Variants in GRID2 observed in about 807,000 individuals in gnomAD.
GRID2 encodes glutamate ionotropic receptor delta type subunit 2.
In GRID2, 33 loss-of-function variants were observed where a neutral mutation model predicts 114.8. That is an observed-to-expected ratio of 0.29 (90% CI 0.22 to 0.38). The LOEUF (loss-of-function observed/expected upper bound fraction) is 0.38, where lower values mean the gene tolerates loss of function less well. Among genes scored for constraint, GRID2 ranks in the 10% least tolerant of loss-of-function variants. GRID2 has a pLI of 1.00. For synonymous variants in GRID2, 505 were observed against 449.9 expected (o/e 1.12, Z -1.55); for missense variants, 1,184 against 1,257.7 (o/e 0.94, Z 0.89).
chr4:92,991,378 C>T (rs950241673), intron 2 of GRID2, among the ~76,000 whole-genome samples: 5 of 152,134 alleles, frequency 3.3e-5, no homozygotes, highest in African/African-American at 1.2e-4. Flanking sequence ...GCATAGTAAG[C>T]TATCAAACTG....
At chr4:93,619,227 T>C (rs1165504936) in intron 13 of GRID2, among the ~76,000 whole-genome samples, 1 of 152,206 alleles carries the variant, frequency 6.6e-6, no homozygotes, top group Non-Finnish European at 1.5e-5. Context: ...CAGTCTTAAG[T>C]ACTTAAACTT....
At chr4:93,382,500 C>T (rs1213305931) in intron 8 of GRID2, among the ~76,000 whole-genome samples, 3 of 151,968 alleles carry the variant, frequency 2.0e-5, no homozygotes, top group Non-Finnish European at 4.4e-5. Context: ...CTTCTGGCTG[C>T]TTAAATCTAC....
intron 2 of GRID2, among the ~76,000 whole-genome samples, chr4:93,045,970 T>G (rs892983925): frequency 6.6e-6 from 1 of 152,090 alleles, no homozygotes; most frequent in African/African-American, 2.4e-5. Context: ...TTGAGTGGGA[T>G]TAATCCCCCA....
intron 4 of GRID2, among the ~76,000 whole-genome samples, chr4:93,194,643 G>A (rs1398654510): frequency 3.9e-5 from 6 of 152,142 alleles, no homozygotes; most frequent in African/African-American, 1.4e-4. Context: ...CTAGCAATGT[G>A]TCTGGTACAT....
intron 2 of GRID2, among the ~76,000 whole-genome samples, chr4:92,762,075 C>T (rs1037494935): frequency 2.0e-5 from 3 of 151,924 alleles, no homozygotes; most frequent in African/African-American, 4.8e-5. Flanking sequence ...CCACCACACC[C>T]AGCTATTTTT....
intron 4 of GRID2, among the ~76,000 whole-genome samples, chr4:93,131,662 A>G (rs1734815844): frequency 6.6e-6 from 1 of 151,912 alleles, no homozygotes; most frequent in Non-Finnish European, 1.5e-5. Context: ...AGTTGCATAT[A>G]TTTATGGGGT....
intron 12 of GRID2, among the ~76,000 whole-genome samples, chr4:93,514,514 C>T (rs1035247389): frequency 6.6e-5 from 10 of 151,372 alleles, no homozygotes; most frequent in African/African-American, 1.7e-4. Context: ...CAGTGTCTTG[C>T]GTTGGAAATA....
intron 2 of GRID2, among the ~76,000 whole-genome samples, chr4:92,731,231 ATT>A (rs35176432): frequency 1.7e-4 from 26 of 149,210 alleles, no homozygotes; most frequent in African/African-American, 4.9e-4. Context: ...ACAATAAGTG[ATT>A]TTTTTTTTTC....
intron 2 of GRID2, among the ~76,000 whole-genome samples, chr4:92,732,760 A>G (rs983421836): frequency 2.0e-5 from 3 of 152,120 alleles, no homozygotes; most frequent in Non-Finnish European, 2.9e-5. Context: ...TAACAGAAAC[A>G]GGAGAACATA....
chr4:92,677,229 C>A (rs1168253356), intron 2 of GRID2, among the ~76,000 whole-genome samples: 1 of 152,048 alleles, frequency 6.6e-6, no homozygotes, highest in Non-Finnish European at 1.5e-5. Context: ...GTACTTAATT[C>A]CACAATGTTG....
chr4:92,835,743 A>C (rs1483728988), intron 2 of GRID2, among the ~76,000 whole-genome samples: 1 of 152,182 alleles, frequency 6.6e-6, no homozygotes, highest in African/African-American at 2.4e-5. Context: ...TAAAATTTAC[A>C]TACACAAATG....
intron 2 of GRID2, among the ~76,000 whole-genome samples, chr4:92,919,575 G>A (rs566518223): frequency 1.3e-4 from 20 of 152,166 alleles, no homozygotes; most frequent in Admixed American, 1.0e-3. Flanking sequence ...TGGTTTCAAA[G>A]AACATCTTTA....
intron 14 of GRID2, among the ~76,000 whole-genome samples, chr4:93,650,991 G>A (rs945391895): frequency 2.0e-5 from 3 of 152,154 alleles, no homozygotes; most frequent in Non-Finnish European, 4.4e-5. Context: ...TTATTCAGAT[G>A]TGAAGGTGAC....
intron 2 of GRID2, among the ~76,000 whole-genome samples, chr4:92,780,716 C>T (rs1168417673): frequency 6.6e-6 from 1 of 151,942 alleles, no homozygotes; most frequent in Non-Finnish European, 1.5e-5. Context: ...CCTGGTAAGC[C>T]CTCTCTTCAA....
At chr4:92,699,959 C>G (rs777386381) in intron 2 of GRID2, among the ~76,000 whole-genome samples, 30 of 152,114 alleles carry the variant, frequency 2.0e-4, no homozygotes, top group Non-Finnish European at 3.5e-4. Flanking sequence ...GTAAATGTAT[C>G]TATTAAAATA....
At chr4:92,623,210 A>C (rs1232507859) in intron 2 of GRID2, among the ~76,000 whole-genome samples, 1 of 151,640 alleles carries the variant, frequency 6.6e-6, no homozygotes, top group African/African-American at 2.4e-5. Flanking sequence ...AATATGTTCA[A>C]TTAATATTGT....
intron 1 of GRID2, among the ~76,000 whole-genome samples, chr4:92,419,571 G>A (rs537630110): frequency 6.6e-6 from 1 of 152,084 alleles, no homozygotes; most frequent in African/African-American, 2.4e-5. Context: ...GTCTTGTTAG[G>A]TGATTGGGCA....
At chr4:93,517,760 C>T (rs1011855441) in intron 13 of GRID2, among the ~76,000 whole-genome samples, 1 of 151,648 alleles carries the variant, frequency 6.6e-6, no homozygotes, top group African/African-American at 2.4e-5. Flanking sequence ...TTGAACATTT[C>T]ACACAGCAGC....
rs148563779 is a variant in GRID2, at chr4:92,936,385, A to G, written c.245-148610A>G. ...AAATATAAATCACGCCATTAATTAT[A>G]CTGCCTAATTCATGATAATAGAGTT... On this transcript the variant is annotated intron_variant, in intron 2 of 15. Coordinates refer to ENST00000282020, the MANE Select transcript of GRID2 (RefSeq NM_001510.4). Among the ~76,000 whole-genome samples the G allele has an allele frequency of 2.3e-3, 332 of 146,918 alleles. 36 individuals carry two copies. The highest frequency in any genetic ancestry group is 3.5e-3 in the Non-Finnish European group (235 of 66,312).
Sources: gnomAD v4.1 joint callset for allele counts (sites outside exome capture counted in the v4.1 genomes callset) on GRCh38, gnomAD v4.1.1 for gene constraint, MANE v1.5 for transcripts, NCBI Gene and HGNC (gene_info 2026-07-23, HGNC 2026-07-21) for gene names.